Variants in OR2H1 observed in about 807,000 individuals in gnomAD.
OR2H1 encodes olfactory receptor 2H1.
For missense variants in OR2H1, 380 were observed against 367.3 expected, an observed-to-expected ratio of 1.03 and a Z score of -0.28; for synonymous variants, 155 against 155.2, an observed-to-expected ratio of 1.00 and a Z score of 0.01.
At position 29,462,693 on chromosome 6, in the gene OR2H1, C is replaced by A; in HGVS notation, c.924C>A (p.Asp308Glu). ...ALRRLLGKER[D>E]SRESWRAA ...GGAGGTTACTAGGGAAGGAAAGAGA[C>A]TCCAGGGAAAGCTGGAGAGCTGCTT... is the stretch of plus-strand genomic sequence containing the variant. The change falls in exon 4 of 4, where the codon GAC becomes GAA. Residue 308 changes from aspartate to glutamate, a missense_variant. Asp to Glu is a conservative substitution (Grantham distance 45). Transcript: ENST00000377133. 1 of 1,612,424 alleles carries A rather than the reference C, an allele frequency of 6.2e-7. No homozygotes were observed. The highest frequency in any genetic ancestry group is 8.5e-7 in the Non-Finnish European group (1 of 1,179,688).
Position 29,462,991 on chromosome 6 carries a change from T to G in OR2H1, c.*271T>G. On this transcript the variant is annotated 3_prime_UTR_variant, in exon 4 of 4. Transcript: ENST00000377133. Reference sequence around the variant, plus strand: ...ATTTCTATCCTCCATTCTGTTCTTTTTACTGTCATCACTTCTATAGATTTC... The same window carrying G: ...ATTTCTATCCTCCATTCTGTTCTTTGTACTGTCATCACTTCTATAGATTTC... 2.0e-6 allele frequency: 1 copy of G among 496,748 alleles called. No homozygotes were observed. The highest frequency in any genetic ancestry group is 1.9e-5 in the African/African-American group (1 of 52,202). 30.8% of individuals were successfully genotyped at this position (496,748 alleles called of 1,614,324 possible).
chr6:29,461,943 C>G lies in OR2H1; in HGVS notation c.174C>G (p.Tyr58Ter). 6.2e-7 allele frequency: 1 copy of G among 1,613,106 alleles called. No homozygotes were observed. The highest frequency in any genetic ancestry group is 8.5e-7 in the Non-Finnish European group (1 of 1,180,020). ...VLYPRLHSPM[Y>*]FFLSDLSFLD... ...ACCCCAGGCTCCACTCTCCAATGTACTTTTTCCTCTCTGACCTCTCCTTCT... is the reference window on the plus strand; with the variant it reads ...ACCCCAGGCTCCACTCTCCAATGTAGTTTTTCCTCTCTGACCTCTCCTTCT... Residue 58 changes from tyrosine (Y) to a stop codon, truncating the protein, a stop_gained, in exon 4 of 4, where the codon TAC becomes TAG. Coordinates refer to ENST00000377133, the MANE Select transcript of OR2H1 (RefSeq NM_030883.5). LOFTEE classifies it low-confidence loss of function (END_TRUNC).
At position 29,462,339 on chromosome 6, in the gene OR2H1, C is replaced by G. The variant is rs144193488; in HGVS notation, c.570C>G (p.Thr190=). The change falls in exon 4 of 4, where the codon ACC becomes ACG. Residue 190 remains threonine (T), a synonymous_variant. Transcript: ENST00000377133. Reference sequence around the variant, plus strand: ...TGATTCGACTCTCCTGTGGAGATACCTCCTACAATGAAATCCAGTTGGCTG... The same window carrying G: ...TGATTCGACTCTCCTGTGGAGATACGTCCTACAATGAAATCCAGTTGGCTG... ...PSLIRLSCGD[T]SYNEIQLAVS... is the part of the protein sequence containing the mutation. The G allele has an allele frequency of 1.3e-4, 204 of 1,613,126 alleles. No individual in the cohort carries two copies. Among genetic ancestry groups the G allele is most frequent in the Middle Eastern group, 1.6e-4 (1 of 6,062 alleles).
chr6:29,462,972 A>G lies in OR2H1; in HGVS notation c.*252A>G, dbSNP rs1256686004. 1 of 534,626 alleles carries G rather than the reference A, an allele frequency of 1.9e-6. No homozygotes were observed. 33.1% of individuals were successfully genotyped at this position (534,626 alleles called of 1,614,324 possible). A position where few individuals can be genotyped will look rare whatever the true frequency, so the allele number is the denominator to read the frequency against. ...ATCACTGTCCATTCTTAATATTTCT[A>G]TCCTCCATTCTGTTCTTTTTACTGT... is the stretch of plus-strand genomic sequence containing the variant. On this transcript the variant is annotated 3_prime_UTR_variant, in exon 4 of 4. Transcript: ENST00000377133.
Position 29,463,114 on chromosome 6 carries a change from A to G in OR2H1, c.*394A>G, listed in dbSNP as rs116562329. The G allele has an allele frequency of 0.02, 4,598 of 229,908 alleles. 76 individuals are homozygous for G. The highest frequency in any genetic ancestry group is 0.054 in the African/African-American group (2,358 of 43,626). The allele number at this position is 229,908 out of a possible 1,614,324, so 14.2% of individuals were successfully genotyped here. ...CATCATAGCATTCTGGACACCTTGC[A>G]TGTATCTACGTAGGTCATGTAAGCA... On this transcript the variant is annotated 3_prime_UTR_variant, in exon 4 of 4. Coordinates refer to ENST00000377133, the MANE Select transcript of OR2H1 (RefSeq NM_030883.5).
Position 29,462,625 on chromosome 6 carries a change from C to A in OR2H1, c.856C>A (p.Leu286Ile). The A allele has an allele frequency of 6.2e-7, 1 of 1,613,064 alleles. No individual in the cohort carries two copies. Among genetic ancestry groups the A allele is most frequent in the Non-Finnish European group, 8.5e-7 (1 of 1,180,026 alleles). Residue 286 changes from leucine to isoleucine, a missense_variant, in exon 4 of 4, where the codon CTC becomes ATC. Leu to Ile is a conservative substitution (Grantham distance 5). Coordinates refer to ENST00000377133, the MANE Select transcript of OR2H1 (RefSeq NM_030883.5). ...YAVGTPSLNP[L>I]VYTLRNKEIK... is the part of the protein sequence containing the mutation. ...AGTGGGCACTCCTTCACTTAACCCTCTCGTATACACCCTGAGGAACAAGGA... is the reference window on the plus strand; with the variant it reads ...AGTGGGCACTCCTTCACTTAACCCTATCGTATACACCCTGAGGAACAAGGA...
At position 29,458,452 on chromosome 6, in the gene OR2H1, A is replaced by G. The variant is rs570926194; in HGVS notation, c.-442-2A>G. 6.6e-6 allele frequency: 1 copy of G among 152,320 alleles called. No homozygotes were observed. Among genetic ancestry groups the G allele is most frequent in the African/African-American group, 2.4e-5 (1 of 41,574 alleles). The allele number at this position is 152,320 out of a possible 1,614,324, so 9.4% of individuals were successfully genotyped here. A position where few individuals can be genotyped will look rare whatever the true frequency, so the allele number is the denominator to read the frequency against. Reference sequence around the variant, plus strand: ...CATCAAGAGTATAACATTCCTCTTTAGTTTGCTTTTAGTTCTCATTGTGAG... The same window carrying G: ...CATCAAGAGTATAACATTCCTCTTTGGTTTGCTTTTAGTTCTCATTGTGAG... On this transcript the variant is annotated splice_acceptor_variant, in intron 1 of 3. Transcript: ENST00000377133. LOFTEE classifies it low-confidence loss of function (5UTR_SPLICE).
chr6:29,461,827 G>GCTT lies in OR2H1; in HGVS notation c.59_60insTTC (p.Ala20_Leu21insSer). 6.2e-7 allele frequency: 1 copy of GCTT among 1,613,068 alleles called. No homozygotes were observed. Among genetic ancestry groups the GCTT allele is most frequent in the Non-Finnish European group, 8.5e-7 (1 of 1,180,026 alleles). Reference sequence around the variant, plus strand: ...CCTTCTGGGCTTCTCTGAACACCCAGCACTGGAAAGGACTCTCTTTGTGGT... The same window carrying GCTT: ...CCTTCTGGGCTTCTCTGAACACCCAGCTTCACTGGAAAGGACTCTCTTTGTGGT... On this transcript the variant is annotated inframe_insertion, in exon 4 of 4. Coordinates refer to ENST00000377133, the MANE Select transcript of OR2H1 (RefSeq NM_030883.5).
rs1787335100 is a variant in OR2H1, at chr6:29,462,039, C to T, written c.270C>T (p.Ile90=). 4 of 1,613,472 alleles carry T rather than the reference C, an allele frequency of 2.5e-6. No individual in the cohort carries two copies. The highest frequency in any genetic ancestry group is 2.2e-5 in the East Asian group (1 of 44,860). ...ACCTCTGGGGCCCAAAGAAGACCAT[C>T]AGCTTCCTGGGATGCTCTGTCCAGC... ...LVNLWGPKKT[I]SFLGCSVQLF... is the part of the protein sequence containing the mutation. Residue 90 remains isoleucine, a synonymous_variant, in exon 4 of 4, where the codon ATC becomes ATT. Transcript: ENST00000377133.
In OR2H1 at chr6:29,461,904, G is replaced by C. The variant is rs1056698700; in HGVS notation, c.135G>C (p.Leu45=). The C allele has an allele frequency of 1.2e-6, 2 of 1,612,968 alleles. No homozygotes were observed. Among genetic ancestry groups the C allele is most frequent in the South Asian group, 2.2e-5 (2 of 91,070 alleles). Residue 45 remains leucine, a synonymous_variant, in exon 4 of 4, where the codon CTG becomes CTC. Coordinates refer to ENST00000377133, the MANE Select transcript of OR2H1 (RefSeq NM_030883.5). ...LTLVGNTLII[L]LSVLYPRLHS... ...TGGTGGGCAACACACTCATCATCCT[G>C]CTGTCTGTACTGTACCCCAGGCTCC...
chr6:29,458,033 A>G (rs1306698334), intron 1 of OR2H1, among the ~76,000 whole-genome samples: 6 of 152,212 alleles, frequency 3.9e-5, no homozygotes, highest in Non-Finnish European at 7.3e-5. Context: ...TCCCCCCATC[A>G]TCTCACTATG....
In OR2H1 at chr6:29,459,145, T is replaced by C. The variant is rs138267657; in HGVS notation, c.-327+576T>C. Among the ~76,000 whole-genome samples the C allele has an allele frequency of 3.9e-4, 59 of 152,252 alleles. 1 individual carries two copies. The East Asian group carries it at 0.011, about 29-fold the overall frequency. ...AGACAAGTTGCCAAGAGAGTAAGAA[T>C]GTAAGAAATGCTGCAGTTTATGGAT... is the stretch of plus-strand genomic sequence containing the variant. On this transcript the variant is annotated intron_variant, in intron 2 of 3. Transcript: ENST00000377133.
chr6:29,457,287 T>C (rs1411574717), intron 1 of OR2H1, 80 bp downstream of exon 1: 1 of 152,190 alleles, frequency 6.6e-6, no homozygotes, highest in Non-Finnish European at 1.5e-5. Context: ...CAAACCTGAA[T>C]GTTCATCAAC....
intron 3 of OR2H1, among the ~76,000 whole-genome samples, chr6:29,461,276 A>T (rs962808399): frequency 1.1e-4 from 16 of 152,200 alleles, no homozygotes; most frequent in African/African-American, 3.6e-4. Context: ...AATTCCAGGA[A>T]ACTTATGCCC....
intron 2 of OR2H1, 74 bp downstream of exon 2, chr6:29,458,643 G>T (rs1234609982): frequency 6.6e-6 from 1 of 152,204 alleles, no homozygotes; most frequent in African/African-American, 2.4e-5. Flanking sequence ...ATCAAACAGG[G>T]TCTACAATCC....
At position 29,462,465 on chromosome 6, in the gene OR2H1, G is replaced by C. The variant is rs368644205; in HGVS notation, c.696G>C (p.Trp232Cys). The change falls in exon 4 of 4, where the codon TGG (tryptophan) becomes TGC (cysteine). Residue 232 changes from tryptophan (W) to cysteine (C), a missense_variant. Coordinates refer to ENST00000377133, the MANE Select transcript of OR2H1 (RefSeq NM_030883.5). The stretch of plus-strand genomic sequence containing the variant: ...TGAGGATTAACTCTGCCACAGCATG[G>C]AGAAAGGCCTTTGGGACCTGCTCCT... Reference protein sequence around the residue: ...AVLRINSATAWRKAFGTCSSH... With the variant: ...AVLRINSATACRKAFGTCSSH... 6.2e-7 allele frequency: 1 copy of C among 1,613,118 alleles called. No individual in the cohort carries two copies. The highest frequency in any genetic ancestry group is 1.7e-5 in the Admixed American group (1 of 60,016).
In OR2H1 at chr6:29,462,356, A is replaced by G. The variant is rs763997394; in HGVS notation, c.587A>G (p.Gln196Arg). The G allele has an allele frequency of 1.9e-6, 3 of 1,613,102 alleles. No homozygotes were observed. Among genetic ancestry groups the G allele is most frequent in the Non-Finnish European group, 2.5e-6 (3 of 1,180,032 alleles). The change falls in exon 4 of 4, where the codon CAG becomes CGG. Residue 196 changes from glutamine to arginine, a missense_variant. Gln to Arg is a conservative substitution (Grantham distance 43). Coordinates refer to ENST00000377133, the MANE Select transcript of OR2H1 (RefSeq NM_030883.5). ...SCGDTSYNEIQLAVSSVIFVV... is the reference protein window; with the variant it reads ...SCGDTSYNEIRLAVSSVIFVV... ...GGAGATACCTCCTACAATGAAATCCAGTTGGCTGTGTCCAGTGTCATCTTC... is the reference window on the plus strand; with the variant it reads ...GGAGATACCTCCTACAATGAAATCCGGTTGGCTGTGTCCAGTGTCATCTTC...
In OR2H1 at chr6:29,462,320, G is replaced by T; in HGVS notation, c.551G>T (p.Arg184Leu). Residue 184 changes from arginine (R) to leucine (L), a missense_variant, in exon 4 of 4, where the codon CGA (arginine) becomes CTA (leucine). Transcript: ENST00000377133. ...TTATGTGAGGTCCCATCTCTGATTC[G>T]ACTCTCCTGTGGAGATACCTCCTAC... ...DFLCEVPSLI[R>L]LSCGDTSYNE... 2 of 1,613,092 alleles carry T rather than the reference G, an allele frequency of 1.2e-6. No individual in the cohort carries two copies. The highest frequency in any genetic ancestry group is 2.2e-5 in the South Asian group (2 of 91,076).
rs566195826 is a variant in OR2H1, at chr6:29,459,561, AC to A, written c.-326-841del. 2.8e-3 allele frequency among the ~76,000 whole-genome samples: 419 copies of A among 152,300 alleles called. 4 individuals carry two copies. The highest frequency in any genetic ancestry group is 3.0e-3 in the Non-Finnish European group (204 of 68,026). ...AGGGAGATGGGAGGCAGCTTTTAAC[AC>A]CAGACAGGGTCCTGTGATGCAGAGG... On this transcript the variant is annotated intron_variant, in intron 2 of 3. Coordinates refer to ENST00000377133, the MANE Select transcript of OR2H1 (RefSeq NM_030883.5).
Sources: gnomAD v4.1 joint callset for allele counts (sites outside exome capture counted in the v4.1 genomes callset) on GRCh38, gnomAD v4.1.1 for gene constraint, MANE v1.5 for transcripts, NCBI Gene and HGNC (gene_info 2026-07-23, HGNC 2026-07-21) for gene names.